PFDN1: variants seen among roughly 807,000 people sequenced by gnomAD.
PFDN1 encodes the protein prefoldin subunit 1.
PFDN1 carries 6 observed loss-of-function variants against 17.3 expected under a neutral mutation model. That is an observed-to-expected ratio of 0.35 (90% CI 0.19 to 0.69). PFDN1 has a LOEUF of 0.69. Ranked by LOEUF, PFDN1 falls within the 30% of genes least tolerant of loss-of-function variation. The pLI is 0.65. For synonymous variants in PFDN1, 58 were observed against 50.1 expected, an observed-to-expected ratio of 1.16 and a Z score of -0.67; for missense variants, 113 against 146.2, an observed-to-expected ratio of 0.77 and a Z score of 1.17.
chr5:140,261,430 C>A (rs1342590259), intron 3 of PFDN1, among the ~76,000 whole-genome samples: 1 of 152,152 alleles, frequency 6.6e-6, no homozygotes. Context: ...CAAGAGTAAA[C>A]TTCTATGTGA....
At chr5:140,260,053 A>T (rs1765041163) in intron 3 of PFDN1, among the ~76,000 whole-genome samples, 1 of 152,110 alleles carries the variant, frequency 6.6e-6, no homozygotes, top group Non-Finnish European at 1.5e-5. Flanking sequence ...ATAATCAAAA[A>T]CCGGCCAGAT....
At chr5:140,246,965 C>G (rs896222858) in intron 3 of PFDN1, among the ~76,000 whole-genome samples, 1 of 152,198 alleles carries the variant, frequency 6.6e-6, no homozygotes, top group Admixed American at 6.5e-5. Flanking sequence ...CTGAGCCACA[C>G]TGGAACCAGT....
At chr5:140,269,444 C>T (rs1765175404) in intron 3 of PFDN1, among the ~76,000 whole-genome samples, 1 of 151,974 alleles carries the variant, frequency 6.6e-6, no homozygotes, top group East Asian at 1.9e-4. Flanking sequence ...TCAGCCTCCC[C>T]AGTAGCTGGG....
At chr5:140,301,185 T>C (rs896428672) in intron 1 of PFDN1, among the ~76,000 whole-genome samples, 1 of 152,184 alleles carries the variant, frequency 6.6e-6, no homozygotes, top group Non-Finnish European at 1.5e-5. Flanking sequence ...TTTAAATCCA[T>C]TTCTTCTAAC....
intron 3 of PFDN1, among the ~76,000 whole-genome samples, chr5:140,279,706 AAG>A (rs1326345439): frequency 6.6e-5 from 10 of 152,112 alleles, no homozygotes; most frequent in Admixed American, 6.6e-4. Flanking sequence ...CAGAGATTGT[AAG>A]AAAAAAATCA....
At chr5:140,290,960 T>TG (rs1765572196) in intron 2 of PFDN1, among the ~76,000 whole-genome samples, 2 of 152,022 alleles carry the variant, frequency 1.3e-5, no homozygotes, top group Admixed American at 1.3e-4. Flanking sequence ...TAAGTGTGGG[T>TG]GCTGGTTAGG....
intron 3 of PFDN1, among the ~76,000 whole-genome samples, chr5:140,264,055 A>T (rs1164273936): frequency 8.0e-6 from 1 of 125,042 alleles, no homozygotes; most frequent in Non-Finnish European, 1.7e-5. Flanking sequence ...AAAAAAAAAA[A>T]AAAATCACGG....
intron 2 of PFDN1, among the ~76,000 whole-genome samples, chr5:140,293,489 CT>C (rs1464871075): frequency 6.6e-6 from 1 of 152,080 alleles, no homozygotes; most frequent in East Asian, 1.9e-4. Flanking sequence ...AGATAACAGA[CT>C]TTTCCCTTTT....
At chr5:140,256,162 T>C (rs62385161) in intron 3 of PFDN1, among the ~76,000 whole-genome samples, 71,664 of 151,932 alleles carry the variant, frequency 0.47, 17,132 homozygotes, top group South Asian at 0.71. Flanking sequence ...GAATGCTGCA[T>C]TTCCCAAGAA....
chr5:140,246,234 G>C (rs1259907670), intron 3 of PFDN1, among the ~76,000 whole-genome samples, 177 bp from the exon 4 acceptor site: 1 of 152,212 alleles, frequency 6.6e-6, no homozygotes, highest in Non-Finnish European at 1.5e-5. Flanking sequence ...CGAACCATGG[G>C]TGATCACGGG....
chr5:140,249,936 G>C (rs962209030), intron 3 of PFDN1, among the ~76,000 whole-genome samples: 3 of 152,138 alleles, frequency 2.0e-5, no homozygotes, highest in African/African-American at 4.8e-5. Flanking sequence ...GGTTGGGGGG[G>C]TCTGGGGGTA....
At chr5:140,270,770 A>G (rs929198693) in intron 3 of PFDN1, among the ~76,000 whole-genome samples, 3 of 151,904 alleles carry the variant, frequency 2.0e-5, no homozygotes, top group Non-Finnish European at 4.4e-5. Flanking sequence ...CTAAAAATAC[A>G]AAAAAATTAG....
chr5:140,300,785 G>C (rs1273795120), intron 1 of PFDN1, among the ~76,000 whole-genome samples: 1 of 152,178 alleles, frequency 6.6e-6, no homozygotes, highest in Non-Finnish European at 1.5e-5. Context: ...GATACAATCA[G>C]TGTGAAGCAA....
In PFDN1 at chr5:140,278,368, C is replaced by T. The variant is rs1765332347; in HGVS notation, c.285+3081G>A. On this transcript the variant is annotated intron_variant, in intron 3 of 3. Transcript: ENST00000261813. ...GGATCACAAGGTCAGGAGTTCGAGA[C>T]CAGTCTGGGCAACATGGTGAAACCC... Among the ~76,000 whole-genome samples, 5 of 151,314 alleles carry T rather than the reference C, an allele frequency of 3.3e-5. No individual in the cohort carries two copies. In the South Asian group the frequency reaches 1.0e-3, roughly 32 times the overall value.
At chr5:140,274,042 T>C (rs1765252706) in intron 3 of PFDN1, 1 of 205,656 alleles carries the variant, frequency 4.9e-6, no homozygotes, top group African/African-American at 2.4e-5. Context: ...ATTCAGAAGG[T>C]CAGGAGCTCA....
chr5:140,247,699 G>A (rs535822124), intron 3 of PFDN1, among the ~76,000 whole-genome samples: 6 of 152,318 alleles, frequency 3.9e-5, no homozygotes, highest in African/African-American at 1.4e-4. Flanking sequence ...AACACTTTGG[G>A]AGGCCAAGGC....
chr5:140,279,865 C>T (rs957571374), intron 3 of PFDN1, among the ~76,000 whole-genome samples: 12 of 151,380 alleles, frequency 7.9e-5, no homozygotes, highest in Non-Finnish European at 1.6e-4. Flanking sequence ...CGTGGTGGCG[C>T]ATGCCTGTAA....
intron 2 of PFDN1, among the ~76,000 whole-genome samples, chr5:140,288,975 ACT>A (rs902021072): frequency 1.0e-4 from 15 of 149,498 alleles, no homozygotes; most frequent in African/African-American, 3.5e-4. Context: ...ACAGAGGGAG[ACT>A]CTGTCTCAAA....
chr5:140,281,417 A>G (rs753929791), intron 3 of PFDN1, 32 bp downstream of exon 3: 1 of 944,388 alleles, frequency 1.1e-6, no homozygotes, highest in South Asian at 1.3e-5. Context: ...CTTTCTCCCA[A>G]AAGTTAACTC....
Sources: allele counts gnomAD v4.1 joint callset (sites outside exome capture counted in the v4.1 genomes callset), GRCh38; gene constraint gnomAD v4.1.1; transcripts MANE v1.5; gene names NCBI Gene and HGNC (gene_info 2026-07-23, HGNC 2026-07-21).